Variants in SLC10A7 observed in about 807,000 individuals in gnomAD.
SLC10A7 encodes solute carrier family 10 member 7, also known as sodium/bile acid cotransporter 7.
In SLC10A7, 29 loss-of-function variants were observed where a neutral mutation model predicts 43.2. That is an observed-to-expected ratio of 0.67 (90% CI 0.50 to 0.92). The LOEUF (loss-of-function observed/expected upper bound fraction) is 0.92, where lower values mean the gene tolerates loss of function less well. Among genes scored for constraint, SLC10A7 ranks in the 40% least tolerant of loss-of-function variants. The pLI, the probability that SLC10A7 is intolerant of heterozygous loss-of-function variation, is 0.00. For missense variants in SLC10A7, 295 were observed against 403.2 expected (o/e 0.73, Z 2.30); for synonymous variants, 152 against 144.8 (o/e 1.05, Z -0.35).
At chr4:146,518,422 C>T (rs761463331) in intron 1 of SLC10A7, among the ~76,000 whole-genome samples, 10 of 152,088 alleles carry the variant, frequency 6.6e-5, no homozygotes, top group Non-Finnish European at 1.2e-4. Context: ...CCTCCAACAA[C>T]AAAAATTATC....
At chr4:146,323,805 G>A (rs1560798187) in intron 6 of SLC10A7, among the ~76,000 whole-genome samples, 3 of 152,106 alleles carry the variant, frequency 2.0e-5, no homozygotes, top group Non-Finnish European at 4.4e-5. Context: ...TCAACATAGT[G>A]TTGGAAGTTC....
chr4:146,400,655 T>C (rs1443464975), intron 5 of SLC10A7, among the ~76,000 whole-genome samples: 1 of 152,094 alleles, frequency 6.6e-6, no homozygotes, highest in Non-Finnish European at 1.5e-5. Flanking sequence ...GAGCAGAACC[T>C]TCATCTGAGA....
chr4:146,271,996 A>G (rs1432809782), intron 10 of SLC10A7, among the ~76,000 whole-genome samples: 2 of 152,070 alleles, frequency 1.3e-5, no homozygotes, highest in East Asian at 3.8e-4. Context: ...GCTTACCACC[A>G]TCTGATGTCC....
At chr4:146,485,188 C>T (rs993527016) in intron 4 of SLC10A7, among the ~76,000 whole-genome samples, 22 of 152,248 alleles carry the variant, frequency 1.4e-4, no homozygotes, top group African/African-American at 4.1e-4. Flanking sequence ...GTCACACAGG[C>T]GGGAATTAAA....
In SLC10A7 at chr4:146,356,038, AT is replaced by A. The variant is rs1227951992; in HGVS notation, c.436-30043del. Among the ~76,000 whole-genome samples, 44 of 32,008 alleles carry A rather than the reference AT, an allele frequency of 1.4e-3. No homozygotes were observed. The East Asian group carries it at 0.14, about 102-fold the overall frequency. 21.0% of individuals were successfully genotyped at this position (32,008 alleles called of 152,430 possible). On this transcript the variant is annotated intron_variant, in intron 5 of 11. Coordinates refer to ENST00000335472, the MANE Select transcript of SLC10A7 (RefSeq NM_001029998.6). ...CATGTACCCTAAAACTTAAAGTATA[AT>A]AAAAAAAAAAAAATATATATATATA...
intron 4 of SLC10A7, among the ~76,000 whole-genome samples, chr4:146,458,334 A>G (rs1392375342): frequency 1.3e-5 from 2 of 151,772 alleles, no homozygotes; most frequent in African/African-American, 4.8e-5. Flanking sequence ...TCTGCCTCAT[A>G]TAAAAAACCA....
intron 3 of SLC10A7, among the ~76,000 whole-genome samples, chr4:146,506,453 C>A (rs1343324860): frequency 6.6e-6 from 1 of 151,998 alleles, no homozygotes; most frequent in African/African-American, 2.4e-5. Flanking sequence ...AGATACAATC[C>A]CACTTTTCTC....
intron 5 of SLC10A7, among the ~76,000 whole-genome samples, chr4:146,426,068 T>C (rs1487227754): frequency 6.6e-6 from 1 of 152,226 alleles, no homozygotes; most frequent in African/African-American, 2.4e-5. Context: ...GTCTTAAGTA[T>C]CATTATGTAT....
rs574225377 is a variant in SLC10A7 at position 146,356,488 on chromosome 4, C to G, written c.436-30492G>C. 7.9e-5 allele frequency among the ~76,000 whole-genome samples: 12 copies of G among 152,142 alleles called. No individual in the cohort carries two copies. In the East Asian group the frequency reaches 1.5e-3, roughly 20 times the overall value. On this transcript the variant is annotated intron_variant, in intron 5 of 11. Coordinates refer to ENST00000335472, the MANE Select transcript of SLC10A7 (RefSeq NM_001029998.6). Reference sequence around the variant, plus strand: ...TGATTCTGGAATATTGCATTCTACTCTTTTACCTTCTTCCCCTAGATCTTC... The same window carrying G: ...TGATTCTGGAATATTGCATTCTACTGTTTTACCTTCTTCCCCTAGATCTTC...
chr4:146,488,430 G>T (rs1369769849), intron 4 of SLC10A7, among the ~76,000 whole-genome samples: 1 of 151,990 alleles, frequency 6.6e-6, no homozygotes, highest in African/African-American at 2.4e-5. Context: ...CTTCTAATGT[G>T]CAAATCATTT....
At chr4:146,363,363 G>C (rs1053114450) in intron 5 of SLC10A7, among the ~76,000 whole-genome samples, 1 of 152,020 alleles carries the variant, frequency 6.6e-6, no homozygotes, top group Non-Finnish European at 1.5e-5. Flanking sequence ...GTTATATTAA[G>C]CAAATATTAT....
At chr4:146,444,144 T>C (rs1019480393) in intron 4 of SLC10A7, among the ~76,000 whole-genome samples, 4 of 152,220 alleles carry the variant, frequency 2.6e-5, no homozygotes, top group Non-Finnish European at 5.9e-5. Flanking sequence ...AAAAGTTTTA[T>C]GTATGGGGAA....
At chr4:146,359,352 T>C (rs111476662) in intron 5 of SLC10A7, among the ~76,000 whole-genome samples, 1,665 of 152,284 alleles carry the variant, frequency 0.011, 25 homozygotes, top group African/African-American at 0.037. Flanking sequence ...ATTCTCTTAA[T>C]GGTGGCTTTC....
chr4:146,376,918 A>G (rs1737242317), intron 5 of SLC10A7, among the ~76,000 whole-genome samples: 1 of 152,186 alleles, frequency 6.6e-6, no homozygotes, highest in Non-Finnish European at 1.5e-5. Context: ...TTAAGAGGCA[A>G]AGGCAGAGGA....
chr4:146,495,926 G>A (rs1248263810), intron 4 of SLC10A7, among the ~76,000 whole-genome samples: 1 of 152,034 alleles, frequency 6.6e-6, no homozygotes, highest in Admixed American at 6.6e-5. Flanking sequence ...AACCTGCTAA[G>A]TAAAATAAAA....
At chr4:146,354,874 T>C (rs1269880387) in intron 5 of SLC10A7, among the ~76,000 whole-genome samples, 1 of 132,310 alleles carries the variant, frequency 7.6e-6, no homozygotes, top group Non-Finnish European at 1.6e-5. Flanking sequence ...TTACACCTTA[T>C]ACAAAAATCA....
intron 4 of SLC10A7, among the ~76,000 whole-genome samples, chr4:146,447,451 T>C (rs143641235): frequency 1.3e-4 from 20 of 152,126 alleles, no homozygotes; most frequent in African/African-American, 4.8e-4. Flanking sequence ...ATCTCCTTTG[T>C]TAGAAAATAT....
At chr4:146,286,326 G>T (rs1729940600) in intron 9 of SLC10A7, among the ~76,000 whole-genome samples, 9 of 152,134 alleles carry the variant, frequency 5.9e-5, no homozygotes, top group African/African-American at 1.9e-4. Flanking sequence ...GACTGTGTTT[G>T]GAGTGGTGAG....
rs1438159571 is a variant in SLC10A7 at position 146,394,420 on chromosome 4, C to T, written c.435+48363G>A. ...TGTTGCCCAGGCTGTAGTGCAGTGG[C>T]GCAATCTTGGCTCACTGCAACCTCA... On this transcript the variant is annotated intron_variant, in intron 5 of 11. Transcript: ENST00000335472. Among the ~76,000 whole-genome samples, 6 of 152,098 alleles carry T rather than the reference C, an allele frequency of 3.9e-5. No individual in the cohort carries two copies. The East Asian group carries it at 5.8e-4, about 15-fold the overall frequency.
Sources: allele counts gnomAD v4.1 joint callset (sites outside exome capture counted in the v4.1 genomes callset), GRCh38; gene constraint gnomAD v4.1.1; transcripts MANE v1.5; gene names NCBI Gene and HGNC (gene_info 2026-07-23, HGNC 2026-07-21).